EPB41L2: variants seen among roughly 807,000 people sequenced by gnomAD.
EPB41L2 encodes the protein erythrocyte membrane protein band 4.1 like 2.
EPB41L2 carries 43 observed loss-of-function variants against 113.0 expected under a neutral mutation model. The observed-to-expected ratio is 0.38, with a 90% confidence interval of 0.30 to 0.49. The LOEUF (loss-of-function observed/expected upper bound fraction) is 0.49. Among genes scored for constraint, EPB41L2 ranks in the 20% least tolerant of loss-of-function variants. The probability of loss-of-function intolerance (pLI) is 0.95; values close to 1 mark genes in which losing one functional copy is unlikely to be tolerated. For synonymous variants in EPB41L2, 442 were observed against 436.7 expected (o/e 1.01, Z -0.15); for missense variants, 1,147 against 1,223.4 (o/e 0.94, Z 0.93).
intron 10 of EPB41L2, 67 bp downstream of exon 10, chr6:130,894,277 C>T (rs1276031892): frequency 6.1e-6 from 8 of 1,320,442 alleles, no homozygotes; most frequent in Non-Finnish European, 8.7e-6. Flanking sequence ...ACCTCTGCCT[C>T]CTGAGTCAGT....
intron 1 of EPB41L2, among the ~76,000 whole-genome samples, chr6:130,989,548 T>C (rs578131392): frequency 2.6e-5 from 4 of 152,274 alleles, no homozygotes; most frequent in African/African-American, 9.6e-5. Context: ...GGGAGAGCGT[T>C]TGAGGTCTGC....
At chr6:130,986,281 TACTC>T (rs1452825573) in intron 1 of EPB41L2, among the ~76,000 whole-genome samples, 2 of 152,072 alleles carry the variant, frequency 1.3e-5, no homozygotes, top group African/African-American at 4.8e-5. Flanking sequence ...ACAATAAAAA[TACTC>T]AATAAACTAG....
chr6:131,062,134 C>G (rs1798778268), intron 1 of EPB41L2, among the ~76,000 whole-genome samples: 1 of 151,912 alleles, frequency 6.6e-6, no homozygotes, highest in African/African-American at 2.4e-5. Context: ...TACGCAGACC[C>G]CTCCCCAAAA....
intron 19 of EPB41L2, among the ~76,000 whole-genome samples, chr6:130,849,918 G>A (rs1778268445): frequency 1.3e-5 from 2 of 152,200 alleles, no homozygotes; most frequent in East Asian, 1.9e-4. Context: ...CCATTAAGGA[G>A]GACAATTTGG....
intron 1 of EPB41L2, among the ~76,000 whole-genome samples, chr6:130,998,374 G>A (rs553660601): frequency 1.1e-4 from 16 of 152,264 alleles, no homozygotes; most frequent in African/African-American, 3.9e-4. Flanking sequence ...ATGAATTGGG[G>A]GTGTAGGGGA....
intron 3 of EPB41L2, among the ~76,000 whole-genome samples, chr6:130,928,604 G>A (rs1350024011): frequency 6.6e-6 from 1 of 152,202 alleles, no homozygotes; most frequent in Admixed American, 6.5e-5. Context: ...TGTTCTCATT[G>A]GTTTCCATTT....
chr6:130,906,405 T>C (rs571957618), intron 5 of EPB41L2, among the ~76,000 whole-genome samples: 1 of 152,306 alleles, frequency 6.6e-6, no homozygotes, highest in African/African-American at 2.4e-5. Context: ...AATGGCTAAA[T>C]TGACCTAATT....
intron 4 of EPB41L2, among the ~76,000 whole-genome samples, chr6:130,913,896 T>C (rs1800168248): frequency 6.6e-6 from 1 of 151,984 alleles, no homozygotes; most frequent in Non-Finnish European, 1.5e-5. Flanking sequence ...AGATGGAAAA[T>C]GCCATCAGAG....
chr6:131,051,309 A>G (rs954474577), intron 1 of EPB41L2, among the ~76,000 whole-genome samples: 8 of 152,164 alleles, frequency 5.3e-5, no homozygotes, highest in African/African-American at 1.4e-4. Flanking sequence ...TACCGTGGCA[A>G]TCTTGTGGAA....
intron 1 of EPB41L2, among the ~76,000 whole-genome samples, chr6:131,001,829 T>C (rs999855913): frequency 6.6e-6 from 1 of 152,162 alleles, no homozygotes; most frequent in Non-Finnish European, 1.5e-5. Context: ...AATTTCTCCA[T>C]TGCCCCCATG....
At chr6:130,982,105 T>TAAA (rs35801276) in intron 1 of EPB41L2, among the ~76,000 whole-genome samples, 10 of 133,470 alleles carry the variant, frequency 7.5e-5, no homozygotes, top group South Asian at 4.8e-4. Flanking sequence ...AGCTAAGAAT[T>TAAA]AAAAAAAAAA....
At chr6:131,017,718 A>T (rs1788549361) in intron 1 of EPB41L2, among the ~76,000 whole-genome samples, 1 of 152,176 alleles carries the variant, frequency 6.6e-6, no homozygotes. Flanking sequence ...ATTGCTAGCT[A>T]GTATGGTATG....
At chr6:130,975,759 C>G (rs577189400) in intron 1 of EPB41L2, among the ~76,000 whole-genome samples, 5 of 152,310 alleles carry the variant, frequency 3.3e-5, no homozygotes, top group Admixed American at 6.5e-5. Flanking sequence ...CGTGGTAGCT[C>G]ACGCCTGTAA....
intron 12 of EPB41L2, among the ~76,000 whole-genome samples, chr6:130,884,759 AGC>A (rs1790398641): frequency 1.3e-5 from 2 of 152,238 alleles, no homozygotes; most frequent in African/African-American, 4.8e-5. Flanking sequence ...ATAATCAAGA[AGC>A]TACATTTTAA....
At chr6:131,037,885 A>T (rs1027563165) in intron 1 of EPB41L2, among the ~76,000 whole-genome samples, 1 of 152,184 alleles carries the variant, frequency 6.6e-6, no homozygotes, top group Non-Finnish European at 1.5e-5. Flanking sequence ...CATCGCACCC[A>T]GCCCTAAAAA....
intron 12 of EPB41L2, chr6:130,882,057 G>A (rs1789493958): frequency 6.6e-6 from 1 of 152,094 alleles, no homozygotes; most frequent in Non-Finnish European, 1.5e-5. Flanking sequence ...CAGTACTAAG[G>A]AATTCTACTA....
chr6:130,879,588 T>C (rs1355599768), intron 13 of EPB41L2, among the ~76,000 whole-genome samples: 1 of 152,248 alleles, frequency 6.6e-6, no homozygotes, highest in Non-Finnish European at 1.5e-5. Flanking sequence ...CTTTTTCTCC[T>C]TTCCTTCTCT....
intron 18 of EPB41L2, among the ~76,000 whole-genome samples, chr6:130,862,865 T>C (rs1210448583): frequency 6.6e-6 from 1 of 152,240 alleles, no homozygotes; most frequent in Non-Finnish European, 1.5e-5. Flanking sequence ...CGTTAGCTCC[T>C]ACTCCCCAGC....
chr6:131,034,786 G>A (rs1002037123), intron 1 of EPB41L2, among the ~76,000 whole-genome samples: 4 of 152,158 alleles, frequency 2.6e-5, no homozygotes, highest in African/African-American at 9.7e-5. Context: ...TCTGAAGGTT[G>A]GGTTCATTCC....
Sources: gnomAD v4.1 joint callset for allele counts (sites outside exome capture counted in the v4.1 genomes callset) on GRCh38, gnomAD v4.1.1 for gene constraint, MANE v1.5 for transcripts, NCBI Gene and HGNC (gene_info 2026-07-23, HGNC 2026-07-21) for gene names.